PLEKHG1: variants seen among roughly 807,000 people sequenced by gnomAD.
PLEKHG1 encodes pleckstrin homology and RhoGEF domain containing G1, also known as pleckstrin homology domain-containing family G member 1.
A neutral mutation model predicts 100.8 loss-of-function variants in PLEKHG1; 44 were observed. The ratio of observed to expected loss-of-function variants is 0.44; its 90% CI spans 0.34 to 0.56. The LOEUF is 0.56. Ranked by LOEUF, PLEKHG1 falls within the 20% of genes least tolerant of loss-of-function variation. PLEKHG1 has a pLI of 0.01. For synonymous variants in PLEKHG1, 640 were observed against 662.5 expected, an observed-to-expected ratio of 0.97 and a Z score of 0.52; for missense variants, 1,545 against 1,720.9, an observed-to-expected ratio of 0.90 and a Z score of 1.81.
In PLEKHG1 at chr6:150,683,808, T is replaced by C. The variant is rs953427894; in HGVS notation, c.-99+33022T>C. The C allele has an allele frequency of 2.3e-6, 3 of 1,288,760 alleles. No homozygotes were observed. Among genetic ancestry groups the C allele is most frequent in the Non-Finnish European group, 3.0e-6 (3 of 988,678 alleles). The allele number at this position is 1,288,760 out of a possible 1,614,324, so 79.8% of individuals were successfully genotyped here. A position where few individuals can be genotyped will look rare whatever the true frequency, so the allele number is the denominator to read the frequency against. On this transcript the variant is annotated intron_variant, in intron 3 of 3. Coordinates refer to the PLEKHG1 transcript ENST00000367326. The surrounding 1 kb of genome is among the most constrained non-coding windows in gnomAD (Gnocchi z 4.0). Reference sequence around the variant, plus strand: ...GCGGAAGAGGCAGGAAACTGCTGCCTGGACAAATCGTGTTCTGGGCCAAAG... The same window carrying C: ...GCGGAAGAGGCAGGAAACTGCTGCCCGGACAAATCGTGTTCTGGGCCAAAG...
At chr6:150,748,892 G>A (rs985947575) in intron 2 of PLEKHG1, among the ~76,000 whole-genome samples, 1 of 152,120 alleles carries the variant, frequency 6.6e-6, no homozygotes, top group Non-Finnish European at 1.5e-5. Flanking sequence ...CTCCTGAAGT[G>A]CTGGGATTAC....
At chr6:150,606,894 A>G (rs1395772936) in intron 1 of PLEKHG1, among the ~76,000 whole-genome samples, 1 of 151,356 alleles carries the variant, frequency 6.6e-6, no homozygotes, top group Non-Finnish European at 1.5e-5. Context: ...AGCTCCTCCC[A>G]CCCTCTCCCA....
chr6:150,619,235 A>G (rs999504661), intron 1 of PLEKHG1, among the ~76,000 whole-genome samples: 6 of 152,142 alleles, frequency 3.9e-5, no homozygotes, highest in African/African-American at 1.4e-4. Flanking sequence ...AGGTCATCTG[A>G]GTTTTGCACT....
chr6:150,621,954 GT>G (rs1228550965), intron 1 of PLEKHG1, among the ~76,000 whole-genome samples: 2 of 152,188 alleles, frequency 1.3e-5, no homozygotes, highest in African/African-American at 4.8e-5. Flanking sequence ...TGTTGTGTGA[GT>G]TGCAGTTAAC....
At chr6:150,669,593 CTTT>C (rs1214928577) in intron 3 of PLEKHG1, among the ~76,000 whole-genome samples, 42 of 127,584 alleles carry the variant, frequency 3.3e-4, no homozygotes, top group African/African-American at 5.8e-4. Context: ...AAGAATTATT[CTTT>C]TTTTTTTTTT....
intron 13 of PLEKHG1, among the ~76,000 whole-genome samples, chr6:150,822,759 C>A (rs1054021609): frequency 6.6e-6 from 1 of 152,222 alleles, no homozygotes; most frequent in African/African-American, 2.4e-5. Context: ...GAGGGTGGAT[C>A]ACCTGAGGTC....
intron 7 of PLEKHG1, among the ~76,000 whole-genome samples, chr6:150,806,308 A>G (rs1314134717): frequency 6.8e-6 from 1 of 147,644 alleles, no homozygotes; most frequent in South Asian, 2.2e-4. Flanking sequence ...TAATGTCGGA[A>G]TCTATTGAAT....
chr6:150,779,545 C>A (rs1051981260), intron 3 of PLEKHG1, among the ~76,000 whole-genome samples: 15 of 151,696 alleles, frequency 9.9e-5, no homozygotes, highest in African/African-American at 3.6e-4. Context: ...AGGGTTTCAC[C>A]ATGTTAGTCA....
At chr6:150,823,229 C>T (rs1464574717) in intron 13 of PLEKHG1, among the ~76,000 whole-genome samples, 1 of 152,154 alleles carries the variant, frequency 6.6e-6, no homozygotes, top group Non-Finnish European at 1.5e-5. Flanking sequence ...ACTGGCAACA[C>T]CCCTTCTTTG....
chr6:150,819,192 A>G (rs907255594), intron 11 of PLEKHG1, among the ~76,000 whole-genome samples: 5 of 151,472 alleles, frequency 3.3e-5, no homozygotes, highest in African/African-American at 4.9e-5. Flanking sequence ...AGAAGTCCCA[A>G]TGTAAACAAA....
At chr6:150,677,296 A>G (rs1449995841) in intron 3 of PLEKHG1, among the ~76,000 whole-genome samples, 2 of 151,474 alleles carry the variant, frequency 1.3e-5, no homozygotes, top group East Asian at 3.9e-4. Context: ...ACACACACAC[A>G]CACACACGCG....
At chr6:150,642,122 T>A (rs1433033269) in intron 2 of PLEKHG1, among the ~76,000 whole-genome samples, 2 of 152,186 alleles carry the variant, frequency 1.3e-5, no homozygotes, top group Non-Finnish European at 2.9e-5. Flanking sequence ...ACAAGAAACC[T>A]AATGTCCTGT....
chr6:150,699,187 C>T (rs1291337961), intron 3 of PLEKHG1, among the ~76,000 whole-genome samples: 2 of 152,152 alleles, frequency 1.3e-5, no homozygotes, highest in African/African-American at 4.8e-5. Flanking sequence ...CAGGAGGGCC[C>T]TTTGTACGTT....
intron 15 of PLEKHG1, among the ~76,000 whole-genome samples, chr6:150,834,990 G>A (rs1315385567): frequency 2.0e-5 from 3 of 151,960 alleles, no homozygotes; most frequent in East Asian, 3.9e-4. Flanking sequence ...CGTCGTAATC[G>A]AATGGACCGA....
chr6:150,831,405 G>A lies in PLEKHG1; in HGVS notation c.2294G>A (p.Arg765Gln), dbSNP rs772089894. The change falls in exon 15 of 16, where the codon CGG becomes CAG. Residue 765 changes from arginine to glutamine, a missense_variant. Coordinates refer to ENST00000358517, the Ensembl canonical transcript of PLEKHG1. This position sits in a 1 kb window ranked among gnomAD's most constrained non-coding sequence, Gnocchi z 4.1. The stretch of plus-strand genomic sequence containing the variant: ...TGCAGCAGCCTAAAGCGTGCAAAGC[G>A]GAGCACCTTTTTGGGTCTGGAGGCC... 1.7e-5 allele frequency: 27 copies of A among 1,613,990 alleles called. No homozygotes were observed. The highest frequency in any genetic ancestry group is 3.3e-4 in the Middle Eastern group (2 of 6,084).
chr6:150,788,736 T>G (rs1012055264), intron 4 of PLEKHG1, among the ~76,000 whole-genome samples: 9 of 152,170 alleles, frequency 5.9e-5, no homozygotes, highest in African/African-American at 2.2e-4. Context: ...GGGCAACGTT[T>G]AGGAGGGAGA....
chr6:150,638,580 G>C (rs1196492895), intron 2 of PLEKHG1, among the ~76,000 whole-genome samples: 1 of 152,196 alleles, frequency 6.6e-6, no homozygotes, highest in African/African-American at 2.4e-5. Context: ...AAGAGGACAA[G>C]AAAATTCCCA....
intron 10 of PLEKHG1, among the ~76,000 whole-genome samples, chr6:150,815,595 C>T (rs987110059): frequency 1.3e-5 from 2 of 152,184 alleles, no homozygotes; most frequent in Non-Finnish European, 2.9e-5. Flanking sequence ...CTCATAATCT[C>T]AAACTCTGAA....
chr6:150,625,380 G>A lies in PLEKHG1; in HGVS notation c.-203-12700G>A, dbSNP rs144779049. ...GCAGATACTGTCTTCTCCCTGTGTCGTTACATGGTGGTCCCTCTGTGTGTG... is the reference window on the plus strand; with the variant it reads ...GCAGATACTGTCTTCTCCCTGTGTCATTACATGGTGGTCCCTCTGTGTGTG... On this transcript the variant is annotated intron_variant, in intron 1 of 3. Transcript: ENST00000367326. 2.8e-3 allele frequency among the ~76,000 whole-genome samples: 431 copies of A among 152,152 alleles called. 2 individuals are homozygous for A. The East Asian group carries it at 0.032, about 11-fold the overall frequency.
Sources: gnomAD v4.1 joint callset for allele counts (sites outside exome capture counted in the v4.1 genomes callset) on GRCh38, gnomAD v4.1.1 for gene constraint, Gnocchi (gnomAD v3.1) non-coding constraint, MANE v1.5 for transcripts, NCBI Gene and HGNC (gene_info 2026-07-23, HGNC 2026-07-21) for gene names.